Variants in BICD1 observed in about 807,000 individuals in gnomAD.
BICD1 encodes BICD cargo adaptor 1, also known as protein bicaudal D homolog 1.
In BICD1, 35 loss-of-function variants were observed where a neutral mutation model predicts 92.5. The ratio of observed to expected loss-of-function variants is 0.38; its 90% CI spans 0.29 to 0.50. The LOEUF (loss-of-function observed/expected upper bound fraction) is 0.50. Among genes scored for constraint, BICD1 ranks in the 20% least tolerant of loss-of-function variants. The probability of loss-of-function intolerance (pLI) is 0.93; values close to 1 mark genes in which losing one functional copy is unlikely to be tolerated. For missense variants in BICD1, 950 were observed against 1,189.8 expected (o/e 0.80, Z 2.97); for synonymous variants, 429 against 465.1 (o/e 0.92, Z 1.00).
At chr12:32,261,973 T>G (rs1222265501) in intron 2 of BICD1, among the ~76,000 whole-genome samples, 1 of 151,636 alleles carries the variant, frequency 6.6e-6, no homozygotes, top group Admixed American at 6.6e-5. Context: ...AGTGCATACT[T>G]GGATAGAGAT....
chr12:32,152,049 C>T (rs1358322386), intron 1 of BICD1, among the ~76,000 whole-genome samples: 4 of 152,000 alleles, frequency 2.6e-5, no homozygotes, highest in Non-Finnish European at 5.9e-5. Flanking sequence ...CTCTGCCTCC[C>T]GGGTTCACGT....
intron 4 of BICD1, among the ~76,000 whole-genome samples, chr12:32,317,749 C>T (rs1349152295): frequency 6.6e-6 from 1 of 152,052 alleles, no homozygotes; most frequent in Non-Finnish European, 1.5e-5. Context: ...GCTTTTGTTG[C>T]CATTGCTTTT....
At chr12:32,170,725 A>G (rs1487867682) in intron 1 of BICD1, among the ~76,000 whole-genome samples, 3 of 152,198 alleles carry the variant, frequency 2.0e-5, no homozygotes. Flanking sequence ...TTGAAATGAC[A>G]TTAGAGATTA....
intron 8 of BICD1, among the ~76,000 whole-genome samples, chr12:32,364,501 G>A (rs1000718682): frequency 2.0e-5 from 3 of 152,190 alleles, no homozygotes; most frequent in Admixed American, 6.5e-5. Context: ...CTGTAGACCC[G>A]AGAAGAGGGA....
intron 1 of BICD1, among the ~76,000 whole-genome samples, chr12:32,133,526 A>C (rs963999778): frequency 5.3e-5 from 8 of 151,852 alleles, no homozygotes; most frequent in Non-Finnish European, 8.8e-5. Context: ...AATGTTTCTC[A>C]TTTGGAAGGG....
At chr12:32,350,395 T>G (rs1316294218) in intron 8 of BICD1, among the ~76,000 whole-genome samples, 1 of 152,118 alleles carries the variant, frequency 6.6e-6, no homozygotes, top group African/African-American at 2.4e-5. Context: ...GAGAATTGCT[T>G]GAGCCCAGGA....
At chr12:32,184,657 G>T (rs1320488745) in intron 1 of BICD1, among the ~76,000 whole-genome samples, 1 of 152,154 alleles carries the variant, frequency 6.6e-6, no homozygotes, top group Non-Finnish European at 1.5e-5. Flanking sequence ...GGAACTTAAA[G>T]TGTTCAGAAA....
At chr12:32,312,033 G>A (rs1948395463) in intron 4 of BICD1, among the ~76,000 whole-genome samples, 1 of 152,046 alleles carries the variant, frequency 6.6e-6, no homozygotes, top group Admixed American at 6.6e-5. Context: ...CCTTAGATAG[G>A]AATTTGGGCA....
intron 4 of BICD1, among the ~76,000 whole-genome samples, chr12:32,316,779 T>C (rs1948515643): frequency 6.6e-6 from 1 of 152,136 alleles, no homozygotes; most frequent in African/African-American, 2.4e-5. Flanking sequence ...TATGTATACA[T>C]GTGCCATGTT....
At chr12:32,217,794 T>C (rs74072021) in intron 2 of BICD1, among the ~76,000 whole-genome samples, 20,817 of 152,194 alleles carry the variant, frequency 0.14, 2,051 homozygotes, top group African/African-American at 0.28. Flanking sequence ...CCAGCATCCA[T>C]TGCAGAAGTG....
intron 1 of BICD1, among the ~76,000 whole-genome samples, chr12:32,161,155 C>T (rs1012562866): frequency 6.6e-6 from 1 of 152,168 alleles, no homozygotes; most frequent in Non-Finnish European, 1.5e-5. Flanking sequence ...ACTGAGCCCC[C>T]AACATGGTAA....
intron 2 of BICD1, among the ~76,000 whole-genome samples, chr12:32,219,003 T>A: frequency 6.6e-6 from 1 of 152,232 alleles, no homozygotes; most frequent in East Asian, 1.9e-4. Context: ...AATCTCAGAT[T>A]TGATTTCCTT....
chr12:32,233,951 C>G (rs1373483514), intron 2 of BICD1, among the ~76,000 whole-genome samples: 2 of 152,208 alleles, frequency 1.3e-5, no homozygotes, highest in Admixed American at 1.3e-4. Flanking sequence ...CTACTCAGGA[C>G]TTAACTTCTT....
chr12:32,184,189 A>G (rs150714233), intron 1 of BICD1, among the ~76,000 whole-genome samples: 51 of 152,272 alleles, frequency 3.3e-4, no homozygotes, highest in African/African-American at 1.2e-3. Flanking sequence ...AGGAAAAAAC[A>G]TATTTGTTGA....
At chr12:32,135,011 G>A (rs2121324757) in intron 1 of BICD1, among the ~76,000 whole-genome samples, 1 of 129,796 alleles carries the variant, frequency 7.7e-6, no homozygotes, top group East Asian at 2.4e-4. Context: ...GAGGGCTAGA[G>A]GTGAATGAGT....
intron 1 of BICD1, among the ~76,000 whole-genome samples, chr12:32,140,795 TCG>T (rs58731246): frequency 7.3e-6 from 1 of 137,348 alleles, no homozygotes; most frequent in South Asian, 2.5e-4. Flanking sequence ...ATTACATACT[TCG>T]TGTGTGTAGT....
intron 1 of BICD1, among the ~76,000 whole-genome samples, chr12:32,197,319 A>G (rs938912689): frequency 3.3e-5 from 5 of 151,934 alleles, no homozygotes; most frequent in Admixed American, 6.6e-5. Context: ...TCAAGATTTT[A>G]CTTATATTTT....
chr12:32,147,227 C>T (rs565028031), intron 1 of BICD1, among the ~76,000 whole-genome samples: 1 of 152,020 alleles, frequency 6.6e-6, no homozygotes, highest in Non-Finnish European at 1.5e-5. Flanking sequence ...CCACTGTGCC[C>T]GGCTGTGGGA....
At chr12:32,133,325 T>C (rs1018235243) in intron 1 of BICD1, among the ~76,000 whole-genome samples, 1 of 151,918 alleles carries the variant, frequency 6.6e-6, no homozygotes, top group African/African-American at 2.4e-5. Flanking sequence ...CCATCTCTAC[T>C]AAAAATGCAA....
Sources: gnomAD v4.1 joint callset for allele counts (sites outside exome capture counted in the v4.1 genomes callset) on GRCh38, gnomAD v4.1.1 for gene constraint, MANE v1.5 for transcripts, NCBI Gene and HGNC (gene_info 2026-07-23, HGNC 2026-07-21) for gene names.